The following SETBP1 variants were observed in gnomAD, a reference collection of about 807,000 sequenced individuals.
SETBP1 encodes the protein SET-binding protein.
A neutral mutation model predicts 101.0 loss-of-function variants in SETBP1; 9 were observed. The ratio of observed to expected loss-of-function variants is 0.09; its 90% confidence interval spans 0.05 to 0.16. SETBP1 has a LOEUF of 0.16. Among genes scored for constraint, SETBP1 ranks in the 10% least tolerant of loss-of-function variants. The pLI is 1.00. For missense variants in SETBP1, 1,858 were observed against 2,033.8 expected, an observed-to-expected ratio of 0.91 and a Z score of 1.66; for synonymous variants, 818 against 788.5, an observed-to-expected ratio of 1.04 and a Z score of -0.63.
At chr18:45,036,621 T>G (rs2073404011) in intron 4 of SETBP1, among the ~76,000 whole-genome samples, 1 of 152,224 alleles carries the variant, frequency 6.6e-6, no homozygotes, top group African/African-American at 2.4e-5. Flanking sequence ...ACCTTCAAAG[T>G]GCTATGAAAT....
At chr18:44,858,664 T>A (rs1233110193) in intron 2 of SETBP1, among the ~76,000 whole-genome samples, 1 of 152,148 alleles carries the variant, frequency 6.6e-6, no homozygotes, top group Non-Finnish European at 1.5e-5. Flanking sequence ...ATAGTTGTCT[T>A]CCTTGAAGGC....
chr18:45,014,450 C>T lies in SETBP1; in HGVS notation c.4001-24035C>T, dbSNP rs182555662. ...CTCCTGCTGTTGGATCAGGGCAGCG[C>T]ATTTCAATTTAAGCCCATACAGCCA... On this transcript the variant is annotated intron_variant, in intron 4 of 5. Transcript: ENST00000649279. Among the ~76,000 whole-genome samples, 346 of 152,242 alleles carry T rather than the reference C, an allele frequency of 2.3e-3. 1 individual carries two copies. Among genetic ancestry groups the T allele is most frequent in the Non-Finnish European group, 3.0e-3 (203 of 68,020 alleles).
At chr18:44,744,512 A>G (rs1428293472) in intron 2 of SETBP1, among the ~76,000 whole-genome samples, 3 of 152,226 alleles carry the variant, frequency 2.0e-5, no homozygotes, top group Non-Finnish European at 2.9e-5. Context: ...CGCGCCCAAG[A>G]GCCAGTGGGA....
chr18:44,810,259 C>T (rs1228044849), intron 2 of SETBP1, among the ~76,000 whole-genome samples: 2 of 152,184 alleles, frequency 1.3e-5, no homozygotes, highest in Non-Finnish European at 2.9e-5. Flanking sequence ...TGGATCTGGG[C>T]CTCAATTCTA....
intron 3 of SETBP1, among the ~76,000 whole-genome samples, chr18:44,916,583 T>C (rs1027064250): frequency 2.0e-5 from 3 of 152,188 alleles, no homozygotes; most frequent in Admixed American, 6.5e-5. Flanking sequence ...CCACCTTCTA[T>C]TTACACAGGC....
At position 44,950,483 on chromosome 18, in the gene SETBP1, A is replaced by T; in HGVS notation, c.1143A>T (p.Ser381=). 6.2e-7 allele frequency: 1 copy of T among 1,614,156 alleles called. No homozygotes were observed. Among genetic ancestry groups the T allele is most frequent in the Non-Finnish European group, 8.5e-7 (1 of 1,180,034 alleles). The change falls in exon 4 of 6, where the codon TCA becomes TCT. Residue 381 remains serine (S), a synonymous_variant. Transcript: ENST00000649279. ...GYSADSAQEA[S]PARQNVSSAS... ...CCGCAGATAGTGCCCAAGAGGCATCACCAGCCAGGCAGAACGTGAGTTCTG... is the reference window on the plus strand; with the variant it reads ...CCGCAGATAGTGCCCAAGAGGCATCTCCAGCCAGGCAGAACGTGAGTTCTG...
At chr18:44,764,695 G>A (rs369792782) in intron 2 of SETBP1, among the ~76,000 whole-genome samples, 1 of 152,012 alleles carries the variant, frequency 6.6e-6, no homozygotes, top group Non-Finnish European at 1.5e-5. Context: ...GGATGGCCTC[G>A]CTCCCTGACC....
intron 1 of SETBP1, among the ~76,000 whole-genome samples, chr18:44,687,356 G>A (rs2068855837): frequency 6.6e-6 from 1 of 152,194 alleles, no homozygotes. Flanking sequence ...CCCCTTTAAT[G>A]GCGCCGCCAA....
In SETBP1 at chr18:44,952,186, A is replaced by T. The variant is rs1215395762; in HGVS notation, c.2846A>T (p.Asp949Val). 6.2e-7 allele frequency: 1 copy of T among 1,614,168 alleles called. No individual in the cohort carries two copies. Among genetic ancestry groups the T allele is most frequent in the Admixed American group, 1.7e-5 (1 of 60,020 alleles). ...KRKRKSLQNRDDLQFLADLEE... is the reference protein window; with the variant it reads ...KRKRKSLQNRVDLQFLADLEE... ...AAACGGAAAAGCCTGCAAAACCGCG[A>T]TGACCTCCAGTTTCTGGCAGACCTG... Residue 949 changes from aspartate to valine, a missense_variant, in exon 4 of 6, where the codon GAT becomes GTT. Around this residue, in one of 12 missense-constraint regions of SETBP1, gnomAD observed 255 missense variants for 300.1 expected, o/e 0.85. Transcript: ENST00000649279.
At chr18:45,044,229 T>C (rs2073565513) in intron 5 of SETBP1, among the ~76,000 whole-genome samples, 1 of 152,194 alleles carries the variant, frequency 6.6e-6, no homozygotes, top group South Asian at 2.1e-4. Context: ...ATATATTCCT[T>C]TGTGCCCAGT....
chr18:44,713,416 A>G (rs2069389415), intron 2 of SETBP1, among the ~76,000 whole-genome samples: 1 of 152,024 alleles, frequency 6.6e-6, no homozygotes, highest in Non-Finnish European at 1.5e-5. Flanking sequence ...CATCCCTTTT[A>G]TAGCCTAGAT....
chr18:45,058,996 C>T (rs752117829), intron 5 of SETBP1, among the ~76,000 whole-genome samples: 2 of 152,172 alleles, frequency 1.3e-5, no homozygotes, highest in African/African-American at 2.4e-5. Flanking sequence ...AATAAAGCCC[C>T]AAGAGGGTGA....
chr18:44,692,232 C>T (rs139600724), intron 1 of SETBP1, among the ~76,000 whole-genome samples: 1 of 152,296 alleles, frequency 6.6e-6, no homozygotes, highest in African/African-American at 2.4e-5. Flanking sequence ...AAAAAGTTTG[C>T]ACACTTACTA....
chr18:44,796,971 G>C (rs1252566731), intron 2 of SETBP1, among the ~76,000 whole-genome samples: 2 of 152,142 alleles, frequency 1.3e-5, no homozygotes, highest in South Asian at 2.1e-4. Flanking sequence ...CTACCTGAAG[G>C]GGGGTAAATG....
At position 44,682,354 on chromosome 18, in the gene SETBP1, G is replaced by T. The variant is rs1280678973; in HGVS notation, c.-173+1333G>T. 8.5e-5 allele frequency among the ~76,000 whole-genome samples: 13 copies of T among 152,326 alleles called. No homozygotes were observed. The East Asian group carries it at 2.3e-3, about 27-fold the overall frequency. On this transcript the variant is annotated intron_variant, in intron 1 of 5. Transcript: ENST00000649279. ...CTGGACCAGACCTGGGCATTCCGGG[G>T]AGAGTTTCCTTTGCACACCCCAGCT... is the stretch of plus-strand genomic sequence containing the variant.
At chr18:44,716,811 C>T (rs574488876) in intron 2 of SETBP1, among the ~76,000 whole-genome samples, 1 of 152,188 alleles carries the variant, frequency 6.6e-6, no homozygotes, top group African/African-American at 2.4e-5. Flanking sequence ...GATCCACCCA[C>T]CTTGGCCTCC....
At chr18:44,736,739 AC>A (rs2069977294) in intron 2 of SETBP1, among the ~76,000 whole-genome samples, 1 of 152,184 alleles carries the variant, frequency 6.6e-6, no homozygotes, top group African/African-American at 2.4e-5. Context: ...TTCTCTCATA[AC>A]CCACAGTGCA....
intron 1 of SETBP1, among the ~76,000 whole-genome samples, chr18:44,697,688 C>T (rs905262288): frequency 6.6e-6 from 1 of 152,186 alleles, no homozygotes; most frequent in African/African-American, 2.4e-5. Context: ...TTTATATGCC[C>T]AGAACAGCTA....
intron 2 of SETBP1, among the ~76,000 whole-genome samples, chr18:44,824,595 C>CT (rs1403718480): frequency 6.6e-6 from 1 of 152,182 alleles, no homozygotes. Flanking sequence ...TAACATAACA[C>CT]TGCCAGAGGT....
Sources: gnomAD v4.1 joint callset for allele counts (sites outside exome capture counted in the v4.1 genomes callset) on GRCh38, gnomAD v4.1.1 for gene constraint, gnomAD v4.1.1 regional missense constraint, MANE v1.5 for transcripts, NCBI Gene and HGNC (gene_info 2026-07-23, HGNC 2026-07-21) for gene names.